The following MMP26 variants were observed in gnomAD, a reference collection of about 807,000 sequenced individuals.
MMP26 encodes matrix metallopeptidase 26.
A neutral mutation model predicts 31.0 loss-of-function variants in MMP26; 33 were observed. That is an observed-to-expected ratio of 1.06 (90% CI 0.81 to 1.42). The LOEUF (loss-of-function observed/expected upper bound fraction) is 1.42. Ranked by LOEUF, MMP26 falls within the 40% of genes most tolerant of loss-of-function variation. The pLI is 0.00. For missense variants in MMP26, 347 were observed against 316.1 expected, an observed-to-expected ratio of 1.10 and a Z score of -0.74; for synonymous variants, 122 against 114.9, an observed-to-expected ratio of 1.06 and a Z score of -0.40.
At chr11:4,897,282 G>GGT (rs1850720678) in intron 2 of MMP26, among the ~76,000 whole-genome samples, 1 of 152,090 alleles carries the variant, frequency 6.6e-6, no homozygotes, top group Non-Finnish European at 1.5e-5. Flanking sequence ...TGGGATTACA[G>GGT]ACACATGCCA....
chr11:4,989,813 G>A lies in MMP26; in HGVS notation c.265G>A (p.Asp89Asn), dbSNP rs371508345. Residue 89 changes from aspartate to asparagine, a missense_variant, in exon 4 of 8, where the codon GAC becomes AAC. Transcript: ENST00000380390. ...CCACTGTGGGGTGCCTGATGGGTCC[G>A]ACACCTCCATCTCGCCAGGAAGATG... is the stretch of plus-strand genomic sequence containing the variant. ...QPHCGVPDGS[D>N]TSISPGRCKW... is the part of the protein sequence containing the mutation. 7.4e-6 allele frequency: 12 copies of A among 1,613,150 alleles called. No individual in the cohort carries two copies. The highest frequency in any genetic ancestry group is 4.0e-5 in the African/African-American group (3 of 74,892).
At chr11:4,742,891 T>C (rs1036335717) in intron 1 of MMP26, among the ~76,000 whole-genome samples, 1 of 152,170 alleles carries the variant, frequency 6.6e-6, no homozygotes, top group African/African-American at 2.4e-5. Context: ...AAAATTCATA[T>C]ACTTATAAGA....
At chr11:4,742,926 T>G (rs905056679) in intron 1 of MMP26, among the ~76,000 whole-genome samples, 15 of 152,138 alleles carry the variant, frequency 9.9e-5, no homozygotes, top group Admixed American at 3.3e-4. Flanking sequence ...CCATGCAAGA[T>G]AAAAAATTAG....
intron 2 of MMP26, chr11:4,946,134 C>T (rs1373045461): frequency 1.3e-6 from 2 of 1,591,120 alleles, no homozygotes; most frequent in South Asian, 1.1e-5. Flanking sequence ...CCAGACATTT[C>T]CAGGTTTTCT....
intron 2 of MMP26, among the ~76,000 whole-genome samples, chr11:4,881,189 C>T (rs893379383): frequency 2.0e-5 from 3 of 152,152 alleles, no homozygotes; most frequent in African/African-American, 7.2e-5. Flanking sequence ...CCCTCTGCTT[C>T]TTCTTCTGTC....
At chr11:4,951,363 G>A (rs984619414) in intron 2 of MMP26, among the ~76,000 whole-genome samples, 1 of 124,298 alleles carries the variant, frequency 8.0e-6, no homozygotes, top group African/African-American at 2.7e-5. Context: ...TAGGTACAAA[G>A]GTACTTAATC....
At chr11:4,981,393 C>T (rs970685417) in intron 2 of MMP26, among the ~76,000 whole-genome samples, 2 of 152,026 alleles carry the variant, frequency 1.3e-5, no homozygotes, top group African/African-American at 4.8e-5. Context: ...GTTACAAACC[C>T]ATGCAGCATG....
chr11:4,772,516 C>G (rs1339684205), intron 2 of MMP26, among the ~76,000 whole-genome samples: 2 of 152,104 alleles, frequency 1.3e-5, no homozygotes, highest in African/African-American at 4.8e-5. Context: ...GAGTTTTCCC[C>G]CAGTAAATGT....
chr11:4,743,407 T>G (rs1307791373), intron 1 of MMP26, among the ~76,000 whole-genome samples: 1 of 152,196 alleles, frequency 6.6e-6, no homozygotes, highest in East Asian at 1.9e-4. Flanking sequence ...TATTATATAA[T>G]AGGGGCTGTT....
At chr11:4,822,954 AGAGT>A (rs2133473597) in intron 2 of MMP26, among the ~76,000 whole-genome samples, 1 of 152,292 alleles carries the variant, frequency 6.6e-6, no homozygotes, top group South Asian at 2.1e-4. Context: ...TGTTAGCTGA[AGAGT>A]TAAAAGTTGG....
intron 2 of MMP26, chr11:4,923,603 T>C (rs1851218636): frequency 1.2e-6 from 2 of 1,613,778 alleles, no homozygotes; most frequent in Non-Finnish European, 1.7e-6. Flanking sequence ...AGCACAGATA[T>C]GAGAGACACA....
chr11:4,734,626 A>AT (rs59426040), intron 1 of MMP26, among the ~76,000 whole-genome samples: 4,330 of 151,758 alleles, frequency 0.029, 186 homozygotes, highest in African/African-American at 0.095. Flanking sequence ...TCCCTTTGGG[A>AT]TTTTTTTTAT....
At chr11:4,766,384 T>C (rs1323281675) in intron 1 of MMP26, among the ~76,000 whole-genome samples, 4 of 152,176 alleles carry the variant, frequency 2.6e-5, no homozygotes, top group Non-Finnish European at 5.9e-5. Flanking sequence ...ATAATCAGTG[T>C]CTTCATGGGT....
In MMP26 at chr11:4,873,168, T is replaced by G. The variant is rs531710064; in HGVS notation, c.-145+105827T>G. On this transcript the variant is annotated intron_variant, in intron 2 of 7. Coordinates refer to ENST00000380390, the MANE Select transcript of MMP26 (RefSeq NM_021801.5). ...CCTTGGTTCATGAGATCTTAAGGAA[T>G]CAGGGGCCTCGTTTACTATCCTTGT... 2.0e-5 allele frequency among the ~76,000 whole-genome samples: 3 copies of G among 152,250 alleles called. No homozygotes were observed. The East Asian group carries it at 5.8e-4, about 29-fold the overall frequency.
chr11:4,893,823 T>C (rs1850662370), intron 2 of MMP26, among the ~76,000 whole-genome samples: 1 of 152,076 alleles, frequency 6.6e-6, no homozygotes, highest in Non-Finnish European at 1.5e-5. Flanking sequence ...GCACAATGGC[T>C]CACACCTGTA....
intron 1 of MMP26, among the ~76,000 whole-genome samples, chr11:4,755,723 T>G (rs1016070344): frequency 7.2e-5 from 11 of 151,988 alleles, no homozygotes; most frequent in African/African-American, 1.9e-4. Context: ...TGCTAGAAAC[T>G]GGAAATTATA....
intron 1 of MMP26, among the ~76,000 whole-genome samples, chr11:4,762,250 C>T (rs768046200): frequency 5.3e-5 from 8 of 152,118 alleles, no homozygotes; most frequent in Non-Finnish European, 1.2e-4. Flanking sequence ...TATGAACAAA[C>T]ACAATAGAAG....
intron 2 of MMP26, among the ~76,000 whole-genome samples, chr11:4,917,151 G>GTT (rs11400118): frequency 9.9e-5 from 15 of 152,068 alleles, no homozygotes; most frequent in Middle Eastern, 3.4e-3. Flanking sequence ...TGCCAAGAAT[G>GTT]TTTTTTTGCA....
At chr11:4,980,343 A>G (rs540163747) in intron 2 of MMP26, among the ~76,000 whole-genome samples, 1 of 152,150 alleles carries the variant, frequency 6.6e-6, no homozygotes, top group East Asian at 1.9e-4. Context: ...TTAACATGAC[A>G]AGAGTCCACA....
Sources: gnomAD v4.1 joint callset for allele counts (sites outside exome capture counted in the v4.1 genomes callset) on GRCh38, gnomAD v4.1.1 for gene constraint, MANE v1.5 for transcripts, NCBI Gene and HGNC (gene_info 2026-07-23, HGNC 2026-07-21) for gene names.